SGSM3: variants seen among roughly 807,000 people sequenced by gnomAD.
The protein encoded by SGSM3 is RUN and SH3 containing 3.
A neutral mutation model predicts 100.5 loss-of-function variants in SGSM3; 96 were observed. The ratio of observed to expected loss-of-function variants is 0.96; its 90% confidence interval spans 0.81 to 1.13. The LOEUF (loss-of-function observed/expected upper bound fraction) is 1.13, where lower values mean the gene tolerates loss of function less well. SGSM3 is among the 50% of genes most tolerant of loss of function. The probability of loss-of-function intolerance (pLI) is 0.00; values close to 1 mark genes in which losing one functional copy is unlikely to be tolerated. For synonymous variants in SGSM3, 483 were observed against 422.8 expected, an observed-to-expected ratio of 1.14 and a Z score of -1.75; for missense variants, 1,001 against 1,015.8, an observed-to-expected ratio of 0.99 and a Z score of 0.20.
chr22:40,390,703 G>C (rs1158601379), intron 1 of SGSM3, among the ~76,000 whole-genome samples: 1 of 152,156 alleles, frequency 6.6e-6, no homozygotes, highest in Non-Finnish European at 1.5e-5. Flanking sequence ...TTTGTTGGGG[G>C]CCCAGAGGAA....
At chr22:40,377,955 A>C (rs1030799730) in intron 1 of SGSM3, among the ~76,000 whole-genome samples, 2 of 152,208 alleles carry the variant, frequency 1.3e-5, no homozygotes, top group Non-Finnish European at 2.9e-5. Context: ...GTAGAATACA[A>C]AGTACCCCTA....
chr22:40,406,658 CT>C lies in SGSM3; in HGVS notation c.1182del (p.Gln395ArgfsTer64). 6.2e-7 allele frequency: 1 copy of C among 1,606,852 alleles called. No individual in the cohort carries two copies. The highest frequency in any genetic ancestry group is 8.5e-7 in the Non-Finnish European group (1 of 1,175,578). ...LLGAGTLTNLSQVVRRRTQRR... is the reference protein window; with the variant it reads ...LLGAGTLTNLXQVVRRRTQRR... Reference sequence around the variant, plus strand: ...GGGGCCGGCACCCTCACCAACCTCTCTCAGGTGGCCCAGGATGGGGGGCCGC... The same window carrying C: ...GGGGCCGGCACCCTCACCAACCTCTCCAGGTGGCCCAGGATGGGGGGCCGC... On this transcript the variant is annotated frameshift_variant, in exon 10 of 22. Coordinates refer to ENST00000248929, the MANE Select transcript of SGSM3 (RefSeq NM_015705.6). LOFTEE classifies it high-confidence loss of function.
chr22:40,372,169 C>G (rs1836411207), intron 1 of SGSM3, among the ~76,000 whole-genome samples: 1 of 125,074 alleles, frequency 8.0e-6, no homozygotes, highest in African/African-American at 3.1e-5. Flanking sequence ...CTCTGTTGCC[C>G]AGGCTGGAGT....
At chr22:40,373,902 C>G (rs1601665955) in intron 1 of SGSM3, among the ~76,000 whole-genome samples, 1 of 152,086 alleles carries the variant, frequency 6.6e-6, no homozygotes. Flanking sequence ...GCGTGAGCCA[C>G]CACACCTGGC....
chr22:40,404,691 G>A, intron 6 of SGSM3, 27 bp downstream of exon 6: 1 of 1,535,290 alleles, frequency 6.5e-7, no homozygotes, highest in Non-Finnish European at 9.0e-7. Context: ...TGTGCAGGAA[G>A]AGCTGGAGGC....
At chr22:40,393,029 G>A (rs1449271117) in intron 1 of SGSM3, among the ~76,000 whole-genome samples, 2 of 152,190 alleles carry the variant, frequency 1.3e-5, no homozygotes, top group African/African-American at 2.4e-5. Flanking sequence ...TCCTTTTATG[G>A]ATGAATAATA....
intron 1 of SGSM3, among the ~76,000 whole-genome samples, chr22:40,375,572 C>T (rs1424343336): frequency 1.3e-5 from 2 of 149,316 alleles, no homozygotes; most frequent in African/African-American, 5.0e-5. Context: ...AAGAGTGAAA[C>T]TCTGTCTCAA....
chr22:40,409,257 G>C lies in SGSM3; in HGVS notation c.1996G>C (p.Val666Leu). The C allele has an allele frequency of 6.2e-7, 1 of 1,607,390 alleles. No homozygotes were observed. Among genetic ancestry groups the C allele is most frequent in the Non-Finnish European group, 8.5e-7 (1 of 1,178,494 alleles). Residue 666 changes from valine (V) to leucine (L), a missense_variant, in exon 20 of 22, where the codon GTG (valine) becomes CTG (leucine). Transcript: ENST00000248929. ...SLICVGLNEQ[V>L]LHLWLEVLCS... ...TCCTGGCCATGTCCCCAGTGAGCAG[G>C]TGCTGCACCTGTGGCTGGAGGTGCT...
Position 40,406,473 on chromosome 22 carries a change from C to T in SGSM3, c.996C>T (p.Ser332=), listed in dbSNP as rs375487779. Residue 332 remains serine, a synonymous_variant, in exon 10 of 22, where the codon TCC becomes TCT. Transcript: ENST00000248929. ...TGATCCAGTCAGAGAACTCGGCCTC[C>T]ATCTTCAACACGCTATCGGATATCC... ...EELIQSENSA[S]IFNTLSDIPS... The T allele has an allele frequency of 1.6e-5, 25 of 1,599,892 alleles. No individual in the cohort carries two copies. The South Asian group carries it at 2.3e-4, about 15-fold the overall frequency.
At chr22:40,404,000 G>C (rs1452879176) in intron 4 of SGSM3, 2 of 368,578 alleles carry the variant, frequency 5.4e-6, no homozygotes, top group Admixed American at 4.5e-5. Context: ...GTCATTTCTG[G>C]ATCCGGGTAG....
In SGSM3 at chr22:40,405,239, G is replaced by C. The variant is rs764665717; in HGVS notation, c.573G>C (p.Leu191=). ...GCCTGCGCAGGGTGCTCCGGGCCCT[G>C]GCCTGGCTCTACCCAGAGATCGGCT... ...VPRLRRVLRA[L]AWLYPEIGYC... is the part of the protein sequence containing the mutation. The change falls in exon 7 of 22, where the codon CTG becomes CTC. Residue 191 remains leucine (L), a synonymous_variant. Coordinates refer to ENST00000248929, the MANE Select transcript of SGSM3 (RefSeq NM_015705.6). The C allele has an allele frequency of 6.4e-6, 10 of 1,567,650 alleles. No individual in the cohort carries two copies. The highest frequency in any genetic ancestry group is 1.7e-4 in the Middle Eastern group (1 of 5,914).
chr22:40,374,703 G>A (rs773155753), intron 1 of SGSM3, among the ~76,000 whole-genome samples: 5 of 152,202 alleles, frequency 3.3e-5, no homozygotes, highest in African/African-American at 7.2e-5. Context: ...GCAACATGGC[G>A]AAATGCCATC....
intron 1 of SGSM3, among the ~76,000 whole-genome samples, chr22:40,394,008 T>C (rs1235412620): frequency 6.6e-6 from 1 of 152,232 alleles, no homozygotes; most frequent in Non-Finnish European, 1.5e-5. Flanking sequence ...TTCTGTTTCA[T>C]TGGCCAGTTC....
rs1260899632 is a variant in SGSM3, at chr22:40,375,571, ACT to A, written c.-112+4886_-112+4887del. Among the ~76,000 whole-genome samples the A allele has an allele frequency of 3.3e-5, 5 of 149,444 alleles. No homozygotes were observed. The South Asian group carries it at 6.4e-4, about 19-fold the overall frequency. ...CTCCAGCCTGGGTGACAAGAGTGAA[ACT>A]CTGTCTCAAAAAAAAAAAAAGAGAT... is the stretch of plus-strand genomic sequence containing the variant. On this transcript the variant is annotated intron_variant, in intron 1 of 21. Coordinates refer to ENST00000248929, the MANE Select transcript of SGSM3 (RefSeq NM_015705.6).
chr22:40,372,377 G>A (rs888436265), intron 1 of SGSM3, among the ~76,000 whole-genome samples: 30 of 151,526 alleles, frequency 2.0e-4, no homozygotes, highest in African/African-American at 5.8e-4. Context: ...TGCCCGCCTC[G>A]GCCTCCCAAA....
Position 40,408,852 on chromosome 22 carries a change from C to T in SGSM3, c.1902+10C>T. ...GGAGCTGCTCTACCGGGTAAGGGGGCCTCCTCTGCCAGACCCTAGAGACCT... is the reference window on the plus strand; with the variant it reads ...GGAGCTGCTCTACCGGGTAAGGGGGTCTCCTCTGCCAGACCCTAGAGACCT... On this transcript the variant is annotated intron_variant, in intron 18 of 21. Transcript: ENST00000248929. 2 of 1,613,848 alleles carry T rather than the reference C, an allele frequency of 1.2e-6. No individual in the cohort carries two copies. The highest frequency in any genetic ancestry group is 2.2e-5 in the East Asian group (1 of 44,866).
At chr22:40,399,637 G>A (rs940967226) in intron 1 of SGSM3, among the ~76,000 whole-genome samples, 18 of 152,218 alleles carry the variant, frequency 1.2e-4, no homozygotes, top group Admixed American at 8.5e-4. Context: ...TCTCTTTAAT[G>A]TAAAAATATG....
chr22:40,380,708 G>A (rs1014467993), intron 1 of SGSM3, among the ~76,000 whole-genome samples: 1 of 152,134 alleles, frequency 6.6e-6, no homozygotes, highest in African/African-American at 2.4e-5. Context: ...GGCCAAGGTA[G>A]GATGACTGAT....
intron 1 of SGSM3, among the ~76,000 whole-genome samples, chr22:40,388,952 C>G (rs1481574093): frequency 2.6e-5 from 4 of 152,072 alleles, no homozygotes; most frequent in African/African-American, 7.2e-5. Flanking sequence ...GTGGCAAATT[C>G]GAAGAATATG....
Sources: gnomAD v4.1 joint callset for allele counts (sites outside exome capture counted in the v4.1 genomes callset) on GRCh38, gnomAD v4.1.1 for gene constraint, MANE v1.5 for transcripts, NCBI Gene and HGNC (gene_info 2026-07-23, HGNC 2026-07-21) for gene names.